Variants in KIF22 observed in about 807,000 individuals in gnomAD.
KIF22 encodes kinesin-like protein KIF22.
Under a neutral mutation model 73.0 loss-of-function variants are expected in KIF22, and 62 were observed. The ratio of observed to expected loss-of-function variants is 0.85; its 90% CI spans 0.69 to 1.05. The LOEUF (loss-of-function observed/expected upper bound fraction) is 1.05, where lower values mean the gene tolerates loss of function less well. Among genes scored for constraint, KIF22 ranks in the 50% least tolerant of loss-of-function variants. The probability of loss-of-function intolerance (pLI) is 0.00; values close to 1 mark genes in which losing one functional copy is unlikely to be tolerated. For synonymous variants in KIF22, 411 were observed against 340.1 expected, an observed-to-expected ratio of 1.21 and a Z score of -2.29; for missense variants, 854 against 870.1, an observed-to-expected ratio of 0.98 and a Z score of 0.23.
At chr16:29,790,888 T>C (rs1159459033) in intron 1 of KIF22, 59 bp downstream of exon 1, 3 of 1,555,712 alleles carry the variant, frequency 1.9e-6, no homozygotes, top group South Asian at 1.2e-5. Flanking sequence ...GTGGGAGTTA[T>C]GTGTCGGAGT....
Position 29,803,589 on chromosome 16 carries a change from G to T in KIF22, c.1590G>T (p.Val530=). 6.2e-7 allele frequency: 1 copy of T among 1,611,494 alleles called. No individual in the cohort carries two copies. Among genetic ancestry groups the T allele is most frequent in the Non-Finnish European group, 8.5e-7 (1 of 1,178,716 alleles). Residue 530 remains valine, a synonymous_variant, in exon 10 of 14, where the codon GTG becomes GTT. Transcript: ENST00000160827. ...GGGCAAAGCCCCTGAAAAAGGCTGT[G>T]GTGATGCCCCTACAGCTAAGTAAGT... ...VTGAKPLKKA[V]VMPLQLIQEQ...
At chr16:29,791,314 GGCT>G in intron 1 of KIF22, 3 of 892,426 alleles carry the variant, frequency 3.4e-6, no homozygotes, top group Non-Finnish European at 4.0e-6. Flanking sequence ...GAACAGACCC[GGCT>G]GCTGCTGGGT....
chr16:29,798,639 C>A lies in KIF22; in HGVS notation c.441C>A (p.Ile147=). 1 of 1,614,142 alleles carries A rather than the reference C, an allele frequency of 6.2e-7. No individual in the cohort carries two copies. The change falls in exon 4 of 14, where the codon ATC becomes ATA. Residue 147 remains isoleucine (I), a synonymous_variant. Coordinates refer to ENST00000160827, the MANE Select transcript of KIF22 (RefSeq NM_007317.3). This position sits in a 1 kb window ranked among gnomAD's most constrained non-coding sequence, Gnocchi z 4.1. The part of the protein sequence containing the change: ...MLGSPEQPGV[I]PRALMDLLQL... ...GCAGCCCAGAGCAACCTGGGGTGAT[C>A]CCGCGGGCTCTCATGGACCTCCTGC... is the stretch of plus-strand genomic sequence containing the variant.
intron 1 of KIF22, among the ~76,000 whole-genome samples, chr16:29,792,178 C>T (rs1898836703): frequency 2.8e-5 from 2 of 72,484 alleles, no homozygotes; most frequent in Admixed American, 1.5e-4. Context: ...AAGATGCTCT[C>T]TTAGCTCAAT....
intron 11 of KIF22, 197 bp downstream of exon 11, chr16:29,804,262 T>A: frequency 3.2e-6 from 2 of 626,510 alleles, no homozygotes; most frequent in Non-Finnish European, 5.7e-6. Flanking sequence ...AAGGCAGTGA[T>A]GTGGATGTAC....
intron 9 of KIF22, 46 bp from the exon 10 acceptor site, chr16:29,803,403 C>T (rs1313343083): frequency 2.5e-6 from 4 of 1,607,336 alleles, no homozygotes; most frequent in African/African-American, 1.3e-5. Context: ...CTTCAGGCTG[C>T]CCTGGAGTTG....
intron 8 of KIF22, among the ~76,000 whole-genome samples, chr16:29,801,362 T>C (rs751232758): frequency 3.9e-5 from 6 of 152,156 alleles, no homozygotes; most frequent in Non-Finnish European, 7.4e-5. Flanking sequence ...ATAAAGCCTG[T>C]GAACTACTAA....
chr16:29,802,701 G>A, intron 8 of KIF22, 68 bp from the exon 9 acceptor site: 1 of 1,415,162 alleles, frequency 7.1e-7, no homozygotes, highest in South Asian at 1.5e-5. Context: ...TGTGGTGAGG[G>A]GAGTCCTGCT....
intron 11 of KIF22, chr16:29,804,337 CTT>C (rs1899263057): frequency 1.7e-6 from 1 of 601,716 alleles, no homozygotes. Context: ...AGAGGGAAAA[CTT>C]AGGGAACTAT....
At position 29,800,061 on chromosome 16, in the gene KIF22, G is replaced by A. The variant is rs1465689040; in HGVS notation, c.1280+13G>A. The A allele has an allele frequency of 1.2e-6, 2 of 1,604,622 alleles. No homozygotes were observed. The highest frequency in any genetic ancestry group is 1.7e-5 in the Admixed American group (1 of 59,118). On this transcript the variant is annotated intron_variant, in intron 8 of 13. Coordinates refer to ENST00000160827, the MANE Select transcript of KIF22 (RefSeq NM_007317.3). ...CCCAGAAACTCAGGTGAGCAGTGGG[G>A]CCTTGGGTGTATCCCCTTCCTGATG...
In KIF22 at chr16:29,798,490, C is replaced by T; in HGVS notation, c.383C>T (p.Pro128Leu). 1.2e-6 allele frequency: 2 copies of T among 1,614,120 alleles called. No homozygotes were observed. The highest frequency in any genetic ancestry group is 1.7e-6 in the Non-Finnish European group (2 of 1,180,036). ...GQNASVLAYG[P>L]TGAGKTHTML... ...AATGCCAGTGTGCTTGCCTATGGAC[C>T]CACAGGAGCTGGTGAGGGAGCCAGA... The change falls in exon 3 of 14, where the codon CCC becomes CTC. Residue 128 changes from proline (P) to leucine (L), a missense_variant. Physicochemically the swap from Pro to Leu is moderately conservative, Grantham distance 98. Transcript: ENST00000160827. This position sits in a 1 kb window ranked among gnomAD's most constrained non-coding sequence, Gnocchi z 4.1.
chr16:29,805,108 C>T lies in KIF22; in HGVS notation c.1891-7C>T, dbSNP rs754479885. 4 of 1,613,342 alleles carry T rather than the reference C, an allele frequency of 2.5e-6. No individual in the cohort carries two copies. Among genetic ancestry groups the T allele is most frequent in the African/African-American group, 1.3e-5 (1 of 74,866 alleles). On this transcript the variant is annotated splice_polypyrimidine_tract_variant and splice_region_variant and intron_variant, in intron 12 of 13. Transcript: ENST00000160827. ...GACCCTGTCCCCTATCGATCCTGTC[C>T]CGCCAGGTGGAGGACCTGGAACGCG...
In KIF22 at chr16:29,798,323, C is replaced by A; in HGVS notation, c.267-51C>A. Reference sequence around the variant, plus strand: ...CCCCACTCCACCCCTTACACACACACACACACACACACACACACACACACG... The same window carrying A: ...CCCCACTCCACCCCTTACACACACAAACACACACACACACACACACACACG... On this transcript the variant is annotated intron_variant, in intron 2 of 13. Transcript: ENST00000160827. This position sits in a 1 kb window ranked among gnomAD's most constrained non-coding sequence, Gnocchi z 4.1. 1 of 1,471,884 alleles carries A rather than the reference C, an allele frequency of 6.8e-7. No homozygotes were observed. The highest frequency in any genetic ancestry group is 9.2e-7 in the Non-Finnish European group (1 of 1,091,528). The allele number at this position is 1,471,884 out of a possible 1,614,324, so 91.2% of individuals were successfully genotyped here.
Position 29,797,126 on chromosome 16 carries a change from C to T in KIF22, c.266+38C>T, listed in dbSNP as rs1898973820. ...CCACTCCTCTTCCCTCATGCCATCACCTCCCTCTCCTAGGCCTGCCCACGT... is the reference window on the plus strand; with the variant it reads ...CCACTCCTCTTCCCTCATGCCATCATCTCCCTCTCCTAGGCCTGCCCACGT... On this transcript the variant is annotated intron_variant, in intron 2 of 13. Coordinates refer to ENST00000160827, the MANE Select transcript of KIF22 (RefSeq NM_007317.3). This position sits in a 1 kb window ranked among gnomAD's most constrained non-coding sequence, Gnocchi z 4.1. 3.4e-6 allele frequency: 5 copies of T among 1,467,002 alleles called. No individual in the cohort carries two copies. The highest frequency in any genetic ancestry group is 1.8e-4 in the Middle Eastern group (1 of 5,512). The allele number at this position is 1,467,002 out of a possible 1,614,324, so 90.9% of individuals were successfully genotyped here.
chr16:29,799,895 C>T lies in KIF22; in HGVS notation c.1145-18C>T, dbSNP rs550578630. 1 of 1,613,614 alleles carries T rather than the reference C, an allele frequency of 6.2e-7. No homozygotes were observed. The highest frequency in any genetic ancestry group is 1.1e-5 in the South Asian group (1 of 91,042). On this transcript the variant is annotated intron_variant, in intron 7 of 13. Coordinates refer to ENST00000160827, the MANE Select transcript of KIF22 (RefSeq NM_007317.3). ...CCACCCCCAATCCCTCTCTCCACCC[C>T]ATCCTCCAATCATCTAGCCTTGGGA...
In KIF22 at chr16:29,799,909, C is replaced by T. The variant is rs1199946885; in HGVS notation, c.1145-4C>T. On this transcript the variant is annotated splice_polypyrimidine_tract_variant and splice_region_variant and intron_variant, in intron 7 of 13. Transcript: ENST00000160827. ...TCTCTCCACCCCATCCTCCAATCAT[C>T]TAGCCTTGGGACCTGTTAAGCTGTC... 2 of 1,613,966 alleles carry T rather than the reference C, an allele frequency of 1.2e-6. No individual in the cohort carries two copies. The highest frequency in any genetic ancestry group is 1.7e-5 in the Admixed American group (1 of 60,008).
At chr16:29,792,368 G>A in intron 1 of KIF22, 3 of 972,882 alleles carry the variant, frequency 3.1e-6, no homozygotes, top group Non-Finnish European at 2.4e-6. Context: ...ACCCTGGACT[G>A]TGAGCCCTGG....
In KIF22 at chr16:29,804,977, A is replaced by C. The variant is rs745835789; in HGVS notation, c.1841A>C (p.Lys614Thr). 5 of 1,609,756 alleles carry C rather than the reference A, an allele frequency of 3.1e-6. No homozygotes were observed. In the African/African-American group the frequency reaches 5.4e-5, roughly 17 times the overall value. The part of the protein sequence containing the change: ...LRSLQRIGPK[K>T]AQLIVGWREL... ...AGTCTTCAGCGCATTGGCCCGAAGA[A>C]GGCCCAGCTAATCGTGGGCTGGCGG... Residue 614 changes from lysine to threonine, a missense_variant, in exon 12 of 14, where the codon AAG becomes ACG. Coordinates refer to ENST00000160827, the MANE Select transcript of KIF22 (RefSeq NM_007317.3).
At chr16:29,801,550 G>A (rs1899138725) in intron 8 of KIF22, among the ~76,000 whole-genome samples, 1 of 152,156 alleles carries the variant, frequency 6.6e-6, no homozygotes. Context: ...CCAGAAATGT[G>A]CACAGGTAAG....
Sources: gnomAD v4.1 joint callset for allele counts (sites outside exome capture counted in the v4.1 genomes callset) on GRCh38, gnomAD v4.1.1 for gene constraint, Gnocchi (gnomAD v3.1) non-coding constraint, MANE v1.5 for transcripts, NCBI Gene and HGNC (gene_info 2026-07-23, HGNC 2026-07-21) for gene names.